Variants in ADIPOR2 observed in about 807,000 individuals in gnomAD.
ADIPOR2 encodes the protein adiponectin receptor protein 2.
Under a neutral mutation model 40.9 loss-of-function variants are expected in ADIPOR2, and 18 were observed. The ratio of observed to expected loss-of-function variants is 0.44; its 90% CI spans 0.30 to 0.65. ADIPOR2 has a LOEUF of 0.65. Among genes scored for constraint, ADIPOR2 ranks in the 30% least tolerant of loss-of-function variants. The probability of loss-of-function intolerance (pLI) is 0.09; values close to 1 mark genes in which losing one functional copy is unlikely to be tolerated. For synonymous variants in ADIPOR2, 165 were observed against 166.4 expected, an observed-to-expected ratio of 0.99 and a Z score of 0.06; for missense variants, 283 against 479.2, an observed-to-expected ratio of 0.59 and a Z score of 3.82.
chr12:1,733,724 G>A (rs1011071564), intron 1 of ADIPOR2, among the ~76,000 whole-genome samples: 4 of 151,756 alleles, frequency 2.6e-5, no homozygotes, highest in Admixed American at 6.6e-5. Context: ...ATCATTTAAC[G>A]TTAGGTATAT....
chr12:1,729,542 G>A (rs1273383359), intron 1 of ADIPOR2, among the ~76,000 whole-genome samples: 3 of 148,314 alleles, frequency 2.0e-5, no homozygotes, highest in African/African-American at 7.4e-5. Context: ...CAAACTTCTG[G>A]GCTCAAGTGA....
At chr12:1,704,440 A>G (rs1011471662) in intron 1 of ADIPOR2, among the ~76,000 whole-genome samples, 2 of 152,216 alleles carry the variant, frequency 1.3e-5, no homozygotes, top group South Asian at 4.1e-4. Context: ...TCACTTAAAA[A>G]AGAAATTGGA....
At chr12:1,729,342 A>G (rs1565640382) in intron 1 of ADIPOR2, among the ~76,000 whole-genome samples, 1 of 152,078 alleles carries the variant, frequency 6.6e-6, no homozygotes, top group Non-Finnish European at 1.5e-5. Context: ...TTGTTAAAGA[A>G]TATAGTTTAA....
chr12:1,725,860 T>C (rs1565638764), intron 1 of ADIPOR2, among the ~76,000 whole-genome samples: 1 of 152,124 alleles, frequency 6.6e-6, no homozygotes. Flanking sequence ...ATTTCTTTTT[T>C]TTCCCCTAGA....
intron 6 of ADIPOR2, 53 bp from the exon 7 acceptor site, chr12:1,783,827 C>T (rs1862774622): frequency 6.9e-7 from 1 of 1,440,998 alleles, no homozygotes; most frequent in Non-Finnish European, 9.4e-7. Context: ...ATACTGACTT[C>T]TGGCTCTTTG....
chr12:1,754,483 AG>A lies in ADIPOR2; in HGVS notation c.142del (p.Ala48HisfsTer58). Reference protein sequence around the residue: ...SHQGDLEPILEASVLSSHHKK... With the variant: ...SHQGDLEPILXASVLSSHHKK... ...CAAGGAGATTTGGAGCCCATTTTAGAGGCATCTGTTCTATCTTCCCATCATA... is the reference window on the plus strand; with the variant it reads ...CAAGGAGATTTGGAGCCCATTTTAGAGCATCTGTTCTATCTTCCCATCATA... On this transcript the variant is annotated frameshift_variant, in exon 2 of 8. Transcript: ENST00000357103. LOFTEE classifies it high-confidence loss of function. 6.2e-7 allele frequency: 1 copy of A among 1,612,750 alleles called. No homozygotes were observed. Among genetic ancestry groups the A allele is most frequent in the Non-Finnish European group, 8.5e-7 (1 of 1,179,414 alleles).
chr12:1,707,107 G>C (rs2094664870), intron 1 of ADIPOR2, among the ~76,000 whole-genome samples: 1 of 152,168 alleles, frequency 6.6e-6, no homozygotes, highest in Admixed American at 6.5e-5. Flanking sequence ...CCAGTAGTTT[G>C]TTGCCTTTTA....
chr12:1,723,984 C>CT lies in ADIPOR2; in HGVS notation c.-86-30261dup, dbSNP rs755722890. 4.7e-3 allele frequency among the ~76,000 whole-genome samples: 674 copies of CT among 144,158 alleles called. 3 individuals carry two copies. The highest frequency in any genetic ancestry group is 5.1e-3 in the Non-Finnish European group (333 of 65,154). 94.6% of individuals were successfully genotyped at this position (144,158 alleles called of 152,430 possible). On this transcript the variant is annotated intron_variant, in intron 1 of 7. Coordinates refer to ENST00000357103, the MANE Select transcript of ADIPOR2 (RefSeq NM_024551.3). The stretch of plus-strand genomic sequence containing the variant: ...TACTGGTATACATACAAAATGGAAT[C>CT]TTTTTTTTTTTTTGGGAGACAGAGT...
At chr12:1,711,493 G>A (rs2094676713) in intron 1 of ADIPOR2, among the ~76,000 whole-genome samples, 2 of 152,044 alleles carry the variant, frequency 1.3e-5, no homozygotes, top group Admixed American at 6.6e-5. Flanking sequence ...ACAGGTTGAA[G>A]TTCCACTTAA....
At chr12:1,767,755 T>G (rs887704292) in intron 2 of ADIPOR2, among the ~76,000 whole-genome samples, 1 of 152,216 alleles carries the variant, frequency 6.6e-6, no homozygotes, top group Non-Finnish European at 1.5e-5. Flanking sequence ...TACAGGGTTT[T>G]GGGGTCTGGT....
intron 1 of ADIPOR2, among the ~76,000 whole-genome samples, chr12:1,713,071 G>A (rs1434470770): frequency 6.6e-6 from 1 of 152,098 alleles, no homozygotes; most frequent in African/African-American, 2.4e-5. Context: ...TTGGACCAGT[G>A]CCTGACCAAA....
intron 1 of ADIPOR2, among the ~76,000 whole-genome samples, chr12:1,731,689 G>A (rs1592595621): frequency 6.6e-6 from 1 of 152,306 alleles, no homozygotes; most frequent in South Asian, 2.1e-4. Flanking sequence ...GCCGGGTTCG[G>A]TGGCTCATCC....
At chr12:1,714,405 T>C (rs990557423) in intron 1 of ADIPOR2, among the ~76,000 whole-genome samples, 11 of 152,130 alleles carry the variant, frequency 7.2e-5, no homozygotes, top group Admixed American at 4.6e-4. Context: ...TATCCTGATA[T>C]CTGCAGCTGA....
At chr12:1,713,112 C>A (rs2094680858) in intron 1 of ADIPOR2, among the ~76,000 whole-genome samples, 1 of 152,088 alleles carries the variant, frequency 6.6e-6, no homozygotes, top group South Asian at 2.1e-4. Flanking sequence ...ACCTTTGGGG[C>A]AAGACTGTCC....
chr12:1,763,162 AAG>A (rs1434089800), intron 2 of ADIPOR2, among the ~76,000 whole-genome samples: 1 of 152,220 alleles, frequency 6.6e-6, no homozygotes, highest in African/African-American at 2.4e-5. Context: ...GATTTTTAGA[AAG>A]AGTATTAGAA....
intron 2 of ADIPOR2, among the ~76,000 whole-genome samples, chr12:1,762,644 A>G (rs1171880557): frequency 1.3e-5 from 2 of 152,270 alleles, no homozygotes; most frequent in East Asian, 3.8e-4. Context: ...TATCAGGAGA[A>G]TAATGATAGT....
intron 7 of ADIPOR2, among the ~76,000 whole-genome samples, chr12:1,784,418 G>A (rs1289916422): frequency 6.6e-6 from 1 of 152,246 alleles, no homozygotes; most frequent in Non-Finnish European, 1.5e-5. Flanking sequence ...GGCTATTTAA[G>A]TGGTAGAACA....
chr12:1,757,238 C>G, intron 2 of ADIPOR2: 2 of 536,500 alleles, frequency 3.7e-6, no homozygotes, highest in South Asian at 4.9e-5. Context: ...ATTTCACCCA[C>G]TGCTCTGTTT....
At chr12:1,764,254 AAATG>A (rs980876415) in intron 2 of ADIPOR2, among the ~76,000 whole-genome samples, 2 of 152,202 alleles carry the variant, frequency 1.3e-5, no homozygotes, top group African/African-American at 4.8e-5. Context: ...ATGGGATAAA[AAATG>A]AGTGAGGGTC....
Sources: gnomAD v4.1 joint callset for allele counts (sites outside exome capture counted in the v4.1 genomes callset) on GRCh38, gnomAD v4.1.1 for gene constraint, MANE v1.5 for transcripts, NCBI Gene and HGNC (gene_info 2026-07-23, HGNC 2026-07-21) for gene names.